MAP2K5: variants seen among roughly 807,000 people sequenced by gnomAD.
MAP2K5 encodes mitogen-activated protein kinase kinase 5, also known as dual specificity mitogen-activated protein kinase kinase 5.
In MAP2K5, 49 loss-of-function variants were observed where a neutral mutation model predicts 83.1. That is an observed-to-expected ratio of 0.59 (90% confidence interval 0.47 to 0.75). The LOEUF (loss-of-function observed/expected upper bound fraction) is 0.75, where lower values mean the gene tolerates loss of function less well. Among genes scored for constraint, MAP2K5 ranks in the 30% least tolerant of loss-of-function variants. The pLI is 0.00. For missense variants in MAP2K5, 457 were observed against 557.5 expected, an observed-to-expected ratio of 0.82 and a Z score of 1.82; for synonymous variants, 202 against 191.8, an observed-to-expected ratio of 1.05 and a Z score of -0.44.
At position 67,766,643 on chromosome 15, in the gene MAP2K5, A is replaced by T. The variant is rs548272025; in HGVS notation, c.1135-2959A>T. Among the ~76,000 whole-genome samples, 4 of 152,336 alleles carry T rather than the reference A, an allele frequency of 2.6e-5. No individual in the cohort carries two copies. The South Asian group carries it at 8.3e-4, about 32-fold the overall frequency. On this transcript the variant is annotated intron_variant, in intron 19 of 21. Transcript: ENST00000178640. ...CTCCCTCCTCACAGATTTGAATTAG[A>T]TAACAAAATAGGCAGGTTCTTGGAG...
chr15:67,546,715 C>T, intron 1 of MAP2K5: 5 of 545,864 alleles, frequency 9.2e-6, no homozygotes, highest in Non-Finnish European at 9.3e-6. Context: ...ATGCCCAACC[C>T]TCTCCCCTCT....
chr15:67,750,562 CTTG>C lies in MAP2K5; in HGVS notation c.1134+1966_1134+1968del, dbSNP rs1042799851. ...GATTGCATCAGAATTACCTAAGGCT[CTTG>C]TTGTAATGCAAATTCCTGAGCCCAG... On this transcript the variant is annotated intron_variant, in intron 19 of 21. Coordinates refer to ENST00000178640, the MANE Select transcript of MAP2K5 (RefSeq NM_145160.3). The surrounding 1 kb of genome is among the most constrained non-coding windows in gnomAD (Gnocchi z 4.2). Among the ~76,000 whole-genome samples the C allele has an allele frequency of 6.6e-6, 1 of 152,146 alleles. No homozygotes were observed. The highest frequency in any genetic ancestry group is 2.4e-5 in the African/African-American group (1 of 41,412).
chr15:67,587,969 C>A lies in MAP2K5; in HGVS notation c.431+1056C>A. On this transcript the variant is annotated intron_variant, in intron 6 of 21. Coordinates refer to ENST00000178640, the MANE Select transcript of MAP2K5 (RefSeq NM_145160.3). This position sits in a 1 kb window ranked among gnomAD's most constrained non-coding sequence, Gnocchi z 4.8. Reference sequence around the variant, plus strand: ...CCAGCTCTCCAGATCACTGCCACAGCCTCCTGAGAGTCTACTCCCTCCGTT... The same window carrying A: ...CCAGCTCTCCAGATCACTGCCACAGACTCCTGAGAGTCTACTCCCTCCGTT... 3.7e-6 allele frequency: 1 copy of A among 267,334 alleles called. No individual in the cohort carries two copies. The highest frequency in any genetic ancestry group is 5.8e-6 in the Non-Finnish European group (1 of 173,548). The allele number at this position is 267,334 out of a possible 1,614,324, so 16.6% of individuals were successfully genotyped here.
At position 67,746,366 on chromosome 15, in the gene MAP2K5, C is replaced by T. The variant is rs1311125859; in HGVS notation, c.1075-1865C>T. On this transcript the variant is annotated intron_variant, in intron 17 of 21. Transcript: ENST00000178640. This position sits in a 1 kb window ranked among gnomAD's most constrained non-coding sequence, Gnocchi z 4.1. ...TCTCTTTGATGTCAGAAATGGATTT[C>T]TGATTCTTTATTCATTACAAATAAC... is the stretch of plus-strand genomic sequence containing the variant. Among the ~76,000 whole-genome samples, 1 of 151,890 alleles carries T rather than the reference C, an allele frequency of 6.6e-6. No individual in the cohort carries two copies. The highest frequency in any genetic ancestry group is 1.5e-5 in the Non-Finnish European group (1 of 67,990).
chr15:67,565,474 C>T lies in MAP2K5; in HGVS notation c.252+2124C>T, dbSNP rs1253453430. On this transcript the variant is annotated intron_variant, in intron 3 of 21. Coordinates refer to ENST00000178640, the MANE Select transcript of MAP2K5 (RefSeq NM_145160.3). This position sits in a 1 kb window ranked among gnomAD's most constrained non-coding sequence, Gnocchi z 4.1. ...CAAACTCCTGACCCCGTGATCCACC[C>T]GCCTCGGCCTCCCAAAGTGCTGGGA... 2.6e-5 allele frequency among the ~76,000 whole-genome samples: 4 copies of T among 152,154 alleles called. No individual in the cohort carries two copies. Among genetic ancestry groups the T allele is most frequent in the South Asian group, 2.1e-4 (1 of 4,826 alleles).
intron 8 of MAP2K5, among the ~76,000 whole-genome samples, chr15:67,601,011 C>A (rs539192703): frequency 6.6e-6 from 1 of 152,028 alleles, no homozygotes; most frequent in Non-Finnish European, 1.5e-5. Context: ...TTTAACTGGC[C>A]TGAAGTTTAA....
rs1326099466 is a variant in MAP2K5 at position 67,724,751 on chromosome 15, A to G, written c.1045-3165A>G. 3.3e-5 allele frequency among the ~76,000 whole-genome samples: 5 copies of G among 152,350 alleles called. No homozygotes were observed. The East Asian group carries it at 7.7e-4, about 23-fold the overall frequency. ...GCATTAGACCTAGAGGGATAGAGGC[A>G]TACATAGAAGGCAGCGGTCCTCTCC... is the stretch of plus-strand genomic sequence containing the variant. On this transcript the variant is annotated intron_variant, in intron 16 of 21. Coordinates refer to ENST00000178640, the MANE Select transcript of MAP2K5 (RefSeq NM_145160.3). This position sits in a 1 kb window ranked among gnomAD's most constrained non-coding sequence, Gnocchi z 4.4.
chr15:67,705,003 C>CA (rs1198868070), intron 16 of MAP2K5, among the ~76,000 whole-genome samples: 2 of 152,156 alleles, frequency 1.3e-5, no homozygotes, highest in African/African-American at 4.8e-5. Context: ...GCCTCAGTTT[C>CA]TTCATTTGTA....
Position 67,563,249 on chromosome 15 carries a change from C to A in MAP2K5, c.185-34C>A. 6.3e-7 allele frequency: 1 copy of A among 1,599,488 alleles called. No homozygotes were observed. The highest frequency in any genetic ancestry group is 2.2e-5 in the East Asian group (1 of 44,554). On this transcript the variant is annotated intron_variant, in intron 2 of 21. Transcript: ENST00000178640. The surrounding 1 kb of genome is among the most constrained non-coding windows in gnomAD (Gnocchi z 4.5). ...TCCCTTTGTGCATTAAACAAATGCA[C>A]ACCTTATCATTTGCATTATGTGCTT...
intron 2 of MAP2K5, among the ~76,000 whole-genome samples, chr15:67,558,318 A>G (rs189124515): frequency 6.6e-6 from 1 of 152,270 alleles, no homozygotes; most frequent in East Asian, 1.9e-4. Flanking sequence ...ATTCATCAGC[A>G]AGTCCTGTTG....
intron 8 of MAP2K5, among the ~76,000 whole-genome samples, chr15:67,624,860 A>G (rs1323006884): frequency 6.6e-6 from 1 of 152,068 alleles, no homozygotes; most frequent in Non-Finnish European, 1.5e-5. Flanking sequence ...TGAACTCCTG[A>G]CCTCAGGTGA....
Position 67,562,843 on chromosome 15 carries a change from G to C in MAP2K5, c.185-440G>C, listed in dbSNP as rs2084763915. 6.6e-6 allele frequency among the ~76,000 whole-genome samples: 1 copy of C among 152,162 alleles called. No individual in the cohort carries two copies. Among genetic ancestry groups the C allele is most frequent in the Non-Finnish European group, 1.5e-5 (1 of 68,032 alleles). On this transcript the variant is annotated intron_variant, in intron 2 of 21. Coordinates refer to ENST00000178640, the MANE Select transcript of MAP2K5 (RefSeq NM_145160.3). The surrounding 1 kb of genome is among the most constrained non-coding windows in gnomAD (Gnocchi z 4.1). ...TCATGTATTGTAGTGTTCAGTAAGT[G>C]TTAGCCATTTTTATCATGCTGTTGT...
chr15:67,679,508 A>G (rs2087763883), intron 13 of MAP2K5, among the ~76,000 whole-genome samples: 1 of 152,210 alleles, frequency 6.6e-6, no homozygotes, highest in Non-Finnish European at 1.5e-5. Flanking sequence ...TTTTATAGAC[A>G]TAGCCTTACT....
Position 67,794,048 on chromosome 15 carries a change from A to T in MAP2K5, c.1243-12598A>T, listed in dbSNP as rs1555406791. Among the ~76,000 whole-genome samples, 1 of 152,216 alleles carries T rather than the reference A, an allele frequency of 6.6e-6. No homozygotes were observed. The highest frequency in any genetic ancestry group is 1.5e-5 in the Non-Finnish European group (1 of 68,046). ...AATAACTTGTCTTTCTTAACAGTGG[A>T]AATAGACTTTGGTTTCATGAGGCTC... On this transcript the variant is annotated intron_variant, in intron 21 of 21. Transcript: ENST00000178640. The surrounding 1 kb of genome is among the most constrained non-coding windows in gnomAD (Gnocchi z 4.6).
chr15:67,725,854 A>G (rs926540147), intron 16 of MAP2K5, among the ~76,000 whole-genome samples: 4 of 152,122 alleles, frequency 2.6e-5, no homozygotes, highest in Admixed American at 6.5e-5. Flanking sequence ...GAAACAAACT[A>G]TTTTCAAAAT....
intron 15 of MAP2K5, among the ~76,000 whole-genome samples, chr15:67,694,837 T>A (rs1222459694): frequency 6.6e-6 from 1 of 151,914 alleles, no homozygotes. Flanking sequence ...TTATTCACAA[T>A]AGCAAAGACT....
In MAP2K5 at chr15:67,640,219, G is replaced by T. The variant is rs888481917; in HGVS notation, c.586-6012G>T. Among the ~76,000 whole-genome samples the T allele has an allele frequency of 6.6e-6, 1 of 152,138 alleles. No homozygotes were observed. Among genetic ancestry groups the T allele is most frequent in the African/African-American group, 2.4e-5 (1 of 41,432 alleles). On this transcript the variant is annotated intron_variant, in intron 9 of 21. Coordinates refer to ENST00000178640, the MANE Select transcript of MAP2K5 (RefSeq NM_145160.3). The surrounding 1 kb of genome is among the most constrained non-coding windows in gnomAD (Gnocchi z 4.6). ...TCAATACATAATTTGTTGAGTGACTGAGTGAATAAATTTTTGTTCTTCTGT... is the reference window on the plus strand; with the variant it reads ...TCAATACATAATTTGTTGAGTGACTTAGTGAATAAATTTTTGTTCTTCTGT...
Position 67,768,800 on chromosome 15 carries a change from T to A in MAP2K5, c.1135-802T>A, listed in dbSNP as rs2090090410. On this transcript the variant is annotated intron_variant, in intron 19 of 21. Transcript: ENST00000178640. This position sits in a 1 kb window ranked among gnomAD's most constrained non-coding sequence, Gnocchi z 4.0. ...TTTATTACATCCTGAGCTGTTACAC[T>A]ATAAACACAGTGGCGCTCTCTGTCA... Among the ~76,000 whole-genome samples the A allele has an allele frequency of 6.6e-6, 1 of 152,228 alleles. No individual in the cohort carries two copies. The highest frequency in any genetic ancestry group is 1.5e-5 in the Non-Finnish European group (1 of 68,022).
intron 3 of MAP2K5, among the ~76,000 whole-genome samples, chr15:67,567,676 T>C (rs1011253030): frequency 6.6e-6 from 1 of 152,234 alleles, no homozygotes; most frequent in African/African-American, 2.4e-5. Flanking sequence ...AAGTATTTTT[T>C]TAATTAGAAT....
Sources: gnomAD v4.1 joint callset for allele counts (sites outside exome capture counted in the v4.1 genomes callset) on GRCh38, gnomAD v4.1.1 for gene constraint, Gnocchi (gnomAD v3.1) non-coding constraint, MANE v1.5 for transcripts, NCBI Gene and HGNC (gene_info 2026-07-23, HGNC 2026-07-21) for gene names.